The following CCDC178 variants were observed in gnomAD, a reference collection of about 807,000 sequenced individuals.
CCDC178 encodes coiled-coil domain containing 178.
Under a neutral mutation model 117.4 loss-of-function variants are expected in CCDC178, and 126 were observed. That is an observed-to-expected ratio of 1.07 (90% CI 0.93 to 1.24). The LOEUF is 1.24. CCDC178 is among the 50% of genes most tolerant of loss of function. The probability of loss-of-function intolerance (pLI) is 0.00; values close to 1 mark genes in which losing one functional copy is unlikely to be tolerated. For missense variants in CCDC178, 1,030 were observed against 986.9 expected, an observed-to-expected ratio of 1.04 and a Z score of -0.59; for synonymous variants, 283 against 313.4, an observed-to-expected ratio of 0.90 and a Z score of 1.02.
intron 10 of CCDC178, among the ~76,000 whole-genome samples, chr18:33,331,441 T>C (rs2062667498): frequency 6.6e-6 from 1 of 151,980 alleles, no homozygotes; most frequent in South Asian, 2.1e-4. Flanking sequence ...GCTGCAGCTA[T>C]CATATCAAGG....
intron 20 of CCDC178, among the ~76,000 whole-genome samples, chr18:33,115,758 GCTC>G (rs2057849134): frequency 6.6e-6 from 1 of 151,904 alleles, no homozygotes; most frequent in African/African-American, 2.4e-5. Context: ...CCCCAGATGT[GCTC>G]CTGCACATTC....
chr18:33,362,469 T>C, intron 6 of CCDC178, among the ~76,000 whole-genome samples: 1 of 151,790 alleles, frequency 6.6e-6, no homozygotes, highest in Non-Finnish European at 1.5e-5. Flanking sequence ...AATGAACACG[T>C]CTAGAGATCT....
At chr18:33,261,284 C>T (rs995792847) in intron 14 of CCDC178, among the ~76,000 whole-genome samples, 1 of 152,056 alleles carries the variant, frequency 6.6e-6, no homozygotes, top group Non-Finnish European at 1.5e-5. Context: ...GGGGTTTCAC[C>T]GTGTTAGCCA....
intron 20 of CCDC178, among the ~76,000 whole-genome samples, chr18:33,136,228 C>T (rs1297066213): frequency 6.6e-6 from 1 of 152,114 alleles, no homozygotes; most frequent in African/African-American, 2.4e-5. Flanking sequence ...TGTAATGGGG[C>T]TTAATATGGT....
At chr18:33,192,926 A>G (rs1308366325) in intron 20 of CCDC178, among the ~76,000 whole-genome samples, 1 of 148,896 alleles carries the variant, frequency 6.7e-6, no homozygotes. Context: ...GAAAAAGAAG[A>G]AAAAATTCTC....
At chr18:33,301,581 G>C (rs890796932) in intron 11 of CCDC178, among the ~76,000 whole-genome samples, 1 of 152,210 alleles carries the variant, frequency 6.6e-6, no homozygotes, top group Non-Finnish European at 1.5e-5. Flanking sequence ...GAACTGTCAA[G>C]GTCTTAAAAA....
At chr18:33,308,061 G>A (rs1439571633) in intron 11 of CCDC178, among the ~76,000 whole-genome samples, 2 of 152,208 alleles carry the variant, frequency 1.3e-5, no homozygotes, top group Non-Finnish European at 2.9e-5. Flanking sequence ...TGATGGAGCT[G>A]TGAGAGGACA....
At chr18:33,094,723 C>A (rs984273677) in intron 20 of CCDC178, among the ~76,000 whole-genome samples, 1 of 151,922 alleles carries the variant, frequency 6.6e-6, no homozygotes, top group African/African-American at 2.4e-5. Flanking sequence ...TGTTCAATTT[C>A]TGAATGATAC....
At chr18:33,434,017 A>G (rs1009625150) in intron 2 of CCDC178, among the ~76,000 whole-genome samples, 1 of 152,162 alleles carries the variant, frequency 6.6e-6, no homozygotes, top group African/African-American at 2.4e-5. Context: ...ATATTTTTCT[A>G]GAAATTTGTT....
At chr18:33,015,609 C>T (rs1302220924) in intron 21 of CCDC178, among the ~76,000 whole-genome samples, 1 of 150,016 alleles carries the variant, frequency 6.7e-6, no homozygotes, top group African/African-American at 2.5e-5. Flanking sequence ...AACAGGAAAC[C>T]ATGGCTAATT....
intron 21 of CCDC178, among the ~76,000 whole-genome samples, chr18:33,011,279 T>C (rs2055857601): frequency 6.6e-6 from 1 of 152,134 alleles, no homozygotes; most frequent in African/African-American, 2.4e-5. Context: ...AGTTGCAAAA[T>C]CAAACATTCA....
At chr18:32,938,806 T>A (rs922270695) in intron 22 of CCDC178, among the ~76,000 whole-genome samples, 13 of 152,198 alleles carry the variant, frequency 8.5e-5, no homozygotes, top group Non-Finnish European at 1.5e-5. Context: ...TTAAGGTTTA[T>A]CTATTGCAAA....
intron 11 of CCDC178, among the ~76,000 whole-genome samples, chr18:33,305,849 T>G (rs1439409327): frequency 2.0e-5 from 3 of 152,072 alleles, no homozygotes; most frequent in Non-Finnish European, 4.4e-5. Flanking sequence ...GGATCATTTT[T>G]GGGGGATTGG....
chr18:33,051,596 A>G (rs987000792), intron 21 of CCDC178, among the ~76,000 whole-genome samples: 1 of 152,200 alleles, frequency 6.6e-6, no homozygotes, highest in Non-Finnish European at 1.5e-5. Context: ...TAATTTGGAT[A>G]CACTTGACTA....
intron 6 of CCDC178, among the ~76,000 whole-genome samples, chr18:33,362,909 C>A (rs147902310): frequency 1.3e-5 from 2 of 151,216 alleles, no homozygotes; most frequent in African/African-American, 4.9e-5. Flanking sequence ...TAATTTTATG[C>A]GATGTGAATT....
chr18:33,067,328 C>T (rs2057034305), intron 21 of CCDC178, among the ~76,000 whole-genome samples: 1 of 152,006 alleles, frequency 6.6e-6, no homozygotes, highest in Non-Finnish European at 1.5e-5. Flanking sequence ...ATACAACATA[C>T]AAAAAGCTAT....
intron 6 of CCDC178, among the ~76,000 whole-genome samples, chr18:33,364,510 G>GT: frequency 6.6e-6 from 1 of 152,076 alleles, no homozygotes; most frequent in African/African-American, 2.4e-5. Context: ...AGATACATCA[G>GT]TATCTTCAAT....
chr18:32,965,676 A>T (rs2054795727), intron 22 of CCDC178, among the ~76,000 whole-genome samples: 2 of 151,870 alleles, frequency 1.3e-5, no homozygotes, highest in East Asian at 3.9e-4. Flanking sequence ...ATTAAGGAAT[A>T]TAGGATTTTA....
intron 22 of CCDC178, among the ~76,000 whole-genome samples, chr18:32,948,243 T>C (rs932064045): frequency 1.3e-5 from 2 of 152,146 alleles, no homozygotes; most frequent in African/African-American, 4.8e-5. Context: ...AAAAGCGTCT[T>C]GGAATTTCGA....
Sources: gnomAD v4.1 joint callset for allele counts (sites outside exome capture counted in the v4.1 genomes callset) on GRCh38, gnomAD v4.1.1 for gene constraint, MANE v1.5 for transcripts, NCBI Gene and HGNC (gene_info 2026-07-23, HGNC 2026-07-21) for gene names.